Variants in METTL16 observed in about 807,000 individuals in gnomAD.
METTL16 encodes the protein methyltransferase 16, RNA N6-adenosine, also known as RNA N(6)-adenosine-methyltransferase METTL16.
Under a neutral mutation model 57.9 loss-of-function variants are expected in METTL16, and 19 were observed. The observed-to-expected ratio is 0.33, with a 90% CI of 0.23 to 0.48. The LOEUF is 0.48. METTL16 is among the 20% of genes least tolerant of loss of function. The probability of loss-of-function intolerance (pLI) is 0.99; values close to 1 mark genes in which losing one functional copy is unlikely to be tolerated. For missense variants in METTL16, 434 were observed against 691.5 expected (o/e 0.63, Z 4.18); for synonymous variants, 246 against 255.6 (o/e 0.96, Z 0.36).
At chr17:2,482,105 G>C (rs1458024165) in intron 2 of METTL16, among the ~76,000 whole-genome samples, 1 of 152,146 alleles carries the variant, frequency 6.6e-6, no homozygotes, top group African/African-American at 2.4e-5. Context: ...AGGAACTCAA[G>C]GAGTAGAGTT....
chr17:2,499,524 C>T (rs186658712), intron 2 of METTL16, among the ~76,000 whole-genome samples: 22 of 152,018 alleles, frequency 1.4e-4, no homozygotes, highest in African/African-American at 5.3e-4. Flanking sequence ...CACTATGAAA[C>T]AATGACTTAC....
chr17:2,489,511 C>A (rs1030076764), intron 2 of METTL16, among the ~76,000 whole-genome samples: 3 of 151,712 alleles, frequency 2.0e-5, no homozygotes, highest in Non-Finnish European at 4.4e-5. Flanking sequence ...AAAAATTAGC[C>A]GAGCGTGGTG....
chr17:2,479,245 C>A (rs1363651330), intron 2 of METTL16, among the ~76,000 whole-genome samples: 1 of 151,942 alleles, frequency 6.6e-6, no homozygotes, highest in African/African-American at 2.4e-5. Context: ...TGGCTCACTG[C>A]AGCCTCACCC....
intron 2 of METTL16, among the ~76,000 whole-genome samples, chr17:2,497,348 T>C (rs1473658841): frequency 7.6e-6 from 1 of 130,770 alleles, no homozygotes; most frequent in Non-Finnish European, 1.6e-5. Flanking sequence ...GATCTCACTC[T>C]GTCGCCCAGG....
intron 3 of METTL16, among the ~76,000 whole-genome samples, chr17:2,474,677 G>A (rs1034649816): frequency 1.3e-5 from 2 of 152,216 alleles, no homozygotes; most frequent in African/African-American, 4.8e-5. Flanking sequence ...TGTAGTCCCA[G>A]CACTTTGGGA....
At chr17:2,443,492 T>C (rs951457888) in intron 6 of METTL16, among the ~76,000 whole-genome samples, 18 of 149,772 alleles carry the variant, frequency 1.2e-4, no homozygotes, top group Non-Finnish European at 2.1e-4. Context: ...ATCATTTCTT[T>C]TTTTTTTTTT....
At chr17:2,428,097 G>A (rs1029467336) in intron 8 of METTL16, among the ~76,000 whole-genome samples, 16 of 151,956 alleles carry the variant, frequency 1.1e-4, no homozygotes, top group African/African-American at 3.9e-4. Flanking sequence ...ACAAGAACTT[G>A]CAACATATTT....
chr17:2,493,296 A>G (rs190256755), intron 2 of METTL16, among the ~76,000 whole-genome samples: 1,570 of 151,068 alleles, frequency 0.01, 29 homozygotes, highest in African/African-American at 0.036. Flanking sequence ...TCACTGTGTT[A>G]GCCAGGATAG....
chr17:2,429,966 A>G (rs1012232635), intron 8 of METTL16, among the ~76,000 whole-genome samples: 1 of 150,936 alleles, frequency 6.6e-6, no homozygotes, highest in South Asian at 2.1e-4. Flanking sequence ...GCCCGCCACC[A>G]TGCCCGGCTA....
intron 8 of METTL16, chr17:2,424,082 T>A (rs1048975850): frequency 2.0e-5 from 3 of 150,380 alleles, no homozygotes; most frequent in African/African-American, 2.5e-5. Context: ...TTTTAAAAAA[T>A]TTTCCTTTTA....
intron 6 of METTL16, among the ~76,000 whole-genome samples, chr17:2,449,235 A>G (rs1481597080): frequency 6.6e-6 from 1 of 152,164 alleles, no homozygotes; most frequent in Non-Finnish European, 1.5e-5. Flanking sequence ...GTTGGAATGG[A>G]AGACTCATTA....
Position 2,465,424 on chromosome 17 carries a change from G to A in METTL16, c.586-1074C>T, listed in dbSNP as rs182521591. Reference sequence around the variant, plus strand: ...TAGCTGGGCGTGGTGGCTCACGCCTGTAGTCCCAGCTACTCGGGGGGCTGA... The same window carrying A: ...TAGCTGGGCGTGGTGGCTCACGCCTATAGTCCCAGCTACTCGGGGGGCTGA... On this transcript the variant is annotated intron_variant, in intron 5 of 9. Transcript: ENST00000263092. Among the ~76,000 whole-genome samples the A allele has an allele frequency of 7.7e-4, 117 of 151,812 alleles. 3 individuals carry two copies. The East Asian group carries it at 0.017, about 22-fold the overall frequency.
intron 8 of METTL16, among the ~76,000 whole-genome samples, chr17:2,427,272 G>T (rs1274461789): frequency 6.6e-6 from 1 of 152,168 alleles, no homozygotes; most frequent in African/African-American, 2.4e-5. Context: ...ATTCTTTTGA[G>T]ATTTTTTTCA....
rs1469354380 is a variant in METTL16, at chr17:2,448,951, T to C, written c.729-7392A>G. The stretch of plus-strand genomic sequence containing the variant: ...CTGAGGCATGAGAATCGCTTGAACC[T>C]GGGAGACAGAGGTTGCAGTGAGCCG... On this transcript the variant is annotated intron_variant, in intron 6 of 9. Coordinates refer to ENST00000263092, the MANE Select transcript of METTL16 (RefSeq NM_024086.4). 2.0e-5 allele frequency among the ~76,000 whole-genome samples: 3 copies of C among 149,376 alleles called. No individual in the cohort carries two copies. In the East Asian group the frequency reaches 5.9e-4, roughly 29 times the overall value.
rs1338409743 is a variant in METTL16 at position 2,420,780 on chromosome 17, C to G, written c.1013G>C (p.Gly338Ala). The part of the protein sequence containing the change: ...ASPLRSETAE[G>A]IVVVTTWIEK... ...AATCCATGTCGTGACAACGACTATGCCTTCCGCCGTCTCCGAGCGCAGAGG... is the reference window on the plus strand; with the variant it reads ...AATCCATGTCGTGACAACGACTATGGCTTCCGCCGTCTCCGAGCGCAGAGG... Residue 338 changes from glycine (G) to alanine (A), a missense_variant, in exon 9 of 10, where the codon GGC (glycine) becomes GCC (alanine). This residue lies in a region of METTL16 where 96 missense variants were observed against 138.3 expected (regional missense o/e 0.69). Coordinates refer to ENST00000263092, the MANE Select transcript of METTL16 (RefSeq NM_024086.4). The surrounding 1 kb of genome is among the most constrained non-coding windows in gnomAD (Gnocchi z 5.4). The G allele has an allele frequency of 6.2e-7, 1 of 1,614,068 alleles. No homozygotes were observed. Among genetic ancestry groups the G allele is most frequent in the Non-Finnish European group, 8.5e-7 (1 of 1,180,026 alleles).
intron 4 of METTL16, among the ~76,000 whole-genome samples, chr17:2,470,803 T>C (rs2067230061): frequency 6.6e-6 from 1 of 152,116 alleles, no homozygotes; most frequent in Non-Finnish European, 1.5e-5. Context: ...GTCTCTAAAA[T>C]TAAATAAGTA....
At chr17:2,428,567 ATAT>A (rs1567881559) in intron 8 of METTL16, among the ~76,000 whole-genome samples, 15 of 21,376 alleles carry the variant, frequency 7.0e-4, no homozygotes, top group Admixed American at 8.7e-4. Flanking sequence ...AAAAAAAAAT[ATAT>A]ATATATATAT....
chr17:2,457,845 A>T (rs2067122736), intron 6 of METTL16, among the ~76,000 whole-genome samples: 1 of 152,170 alleles, frequency 6.6e-6, no homozygotes, highest in Non-Finnish European at 1.5e-5. Flanking sequence ...TGATAAATCA[A>T]AATTTCAAAC....
intron 6 of METTL16, among the ~76,000 whole-genome samples, chr17:2,459,015 C>G (rs890243299): frequency 5.9e-5 from 9 of 151,922 alleles, no homozygotes; most frequent in African/African-American, 1.9e-4. Context: ...CCATGTGGCC[C>G]AGGCTGGTCT....
Sources: gnomAD v4.1 joint callset for allele counts (sites outside exome capture counted in the v4.1 genomes callset) on GRCh38, gnomAD v4.1.1 for gene constraint, gnomAD v4.1.1 regional missense constraint, Gnocchi (gnomAD v3.1) non-coding constraint, MANE v1.5 for transcripts, NCBI Gene and HGNC (gene_info 2026-07-23, HGNC 2026-07-21) for gene names.